DTNA: variants seen among roughly 807,000 people sequenced by gnomAD.
DTNA encodes dystrophin-related protein 3.
In DTNA, 43 loss-of-function variants were observed where a neutral mutation model predicts 100.7. The observed-to-expected ratio is 0.43, with a 90% CI of 0.33 to 0.55. The LOEUF is 0.55. DTNA is among the 20% of genes least tolerant of loss of function. The pLI is 0.04. For missense variants in DTNA, 798 were observed against 953.9 expected, an observed-to-expected ratio of 0.84 and a Z score of 2.15; for synonymous variants, 349 against 347.9, an observed-to-expected ratio of 1.00 and a Z score of -0.04.
chr18:34,620,493 A>G (rs2056273008), intron 1 of DTNA, among the ~76,000 whole-genome samples: 1 of 152,204 alleles, frequency 6.6e-6, no homozygotes, highest in South Asian at 2.1e-4. Flanking sequence ...GTTTATTCTC[A>G]CATTGCTATA....
chr18:34,674,083 C>T (rs1181089414), intron 1 of DTNA, among the ~76,000 whole-genome samples: 3 of 152,156 alleles, frequency 2.0e-5, no homozygotes, highest in Non-Finnish European at 4.4e-5. Flanking sequence ...AGATTAATTT[C>T]CCTGATTATT....
At chr18:34,741,202 A>T (rs371772275) in intron 1 of DTNA, among the ~76,000 whole-genome samples, 1 of 152,082 alleles carries the variant, frequency 6.6e-6, no homozygotes, top group African/African-American at 2.4e-5. Context: ...GCTTTGGGGG[A>T]TCATAAAGTT....
chr18:34,500,679 G>T (rs918274584), intron 1 of DTNA, among the ~76,000 whole-genome samples: 1 of 151,748 alleles, frequency 6.6e-6, no homozygotes, highest in Non-Finnish European at 1.5e-5. Flanking sequence ...GGCCAGGCTG[G>T]TCACGAACTC....
chr18:34,838,860 G>C, intron 13 of DTNA, 23 bp downstream of exon 13: 1 of 1,605,692 alleles, frequency 6.2e-7, no homozygotes, highest in Non-Finnish European at 8.5e-7. Flanking sequence ...TTGGCTGCTT[G>C]ACTGTCCTTA....
At chr18:34,518,027 G>A (rs922745627) in intron 1 of DTNA, among the ~76,000 whole-genome samples, 1 of 152,172 alleles carries the variant, frequency 6.6e-6, no homozygotes, top group African/African-American at 2.4e-5. Context: ...CAGAATGGAT[G>A]TGCCAGTTTA....
At chr18:34,565,688 G>A (rs2047022886) in intron 1 of DTNA, among the ~76,000 whole-genome samples, 1 of 152,086 alleles carries the variant, frequency 6.6e-6, no homozygotes, top group Admixed American at 6.6e-5. Flanking sequence ...CTTCTCTTCT[G>A]TCTCTCTTAT....
chr18:34,839,169 G>A (rs541909114), intron 13 of DTNA, among the ~76,000 whole-genome samples: 1 of 152,302 alleles, frequency 6.6e-6, no homozygotes, highest in East Asian at 1.9e-4. Context: ...ACAGGATGGT[G>A]ATAAAAGAAT....
chr18:34,569,452 T>G (rs1274826454), intron 1 of DTNA, among the ~76,000 whole-genome samples: 2 of 152,088 alleles, frequency 1.3e-5, no homozygotes, highest in Non-Finnish European at 2.9e-5. Flanking sequence ...AGTGATCATG[T>G]TGGATGACAT....
intron 1 of DTNA, among the ~76,000 whole-genome samples, chr18:34,517,460 CG>C (rs1479138656): frequency 2.0e-5 from 3 of 148,884 alleles, no homozygotes; most frequent in Admixed American, 1.3e-4. Flanking sequence ...TTTATATACA[CG>C]TGTGTGTGTG....
intron 1 of DTNA, among the ~76,000 whole-genome samples, chr18:34,699,717 A>G (rs16965780): frequency 0.061 from 9,272 of 152,208 alleles, 922 homozygotes; most frequent in African/African-American, 0.21. Flanking sequence ...TCAGCATTTT[A>G]CCAGCAAAGA....
intron 13 of DTNA, among the ~76,000 whole-genome samples, chr18:34,840,574 CAG>C (rs1489092024): frequency 2.6e-5 from 4 of 152,100 alleles, no homozygotes; most frequent in African/African-American, 9.7e-5. Context: ...GAGAAAAGCT[CAG>C]AGTTTGTCAC....
intron 1 of DTNA, among the ~76,000 whole-genome samples, chr18:34,520,183 T>C (rs2145190102): frequency 6.6e-6 from 1 of 152,334 alleles, no homozygotes; most frequent in East Asian, 1.9e-4. Context: ...TGTCCTGCTC[T>C]CTTAACAGCC....
chr18:34,503,428 C>A (rs2040153915), intron 1 of DTNA, among the ~76,000 whole-genome samples: 1 of 151,782 alleles, frequency 6.6e-6, no homozygotes, highest in African/African-American at 2.4e-5. Context: ...GCTGGGACTA[C>A]AGGTGCCCAC....
intron 15 of DTNA, among the ~76,000 whole-genome samples, chr18:34,856,342 T>A (rs2096552491): frequency 6.6e-6 from 1 of 152,182 alleles, no homozygotes; most frequent in Non-Finnish European, 1.5e-5. Flanking sequence ...AATAATCAGA[T>A]CTGTGAGTTT....
intron 1 of DTNA, among the ~76,000 whole-genome samples, chr18:34,698,567 A>G (rs1441521936): frequency 1.3e-5 from 2 of 152,200 alleles, no homozygotes; most frequent in Non-Finnish European, 2.9e-5. Flanking sequence ...CTCCAAAGAT[A>G]CACAACTAAT....
At chr18:34,625,193 A>AT (rs1303096945) in intron 1 of DTNA, among the ~76,000 whole-genome samples, 3 of 152,072 alleles carry the variant, frequency 2.0e-5, no homozygotes, top group South Asian at 2.1e-4. Context: ...CGTCCGGCTA[A>AT]TTTTTTTGTA....
chr18:34,559,881 A>G (rs371561168), intron 1 of DTNA, among the ~76,000 whole-genome samples: 37 of 152,364 alleles, frequency 2.4e-4, no homozygotes, highest in Admixed American at 5.2e-4. Flanking sequence ...AAATATGTAT[A>G]GGAAAACACA....
chr18:34,807,369 C>T (rs1156539920), intron 5 of DTNA, among the ~76,000 whole-genome samples: 2 of 152,080 alleles, frequency 1.3e-5, no homozygotes, highest in African/African-American at 4.8e-5. Context: ...AGTCCTCAGC[C>T]TCCTTCTGTA....
chr18:34,751,683 C>A (rs1004473019), intron 1 of DTNA, among the ~76,000 whole-genome samples: 2 of 152,182 alleles, frequency 1.3e-5, no homozygotes, highest in African/African-American at 4.8e-5. Flanking sequence ...CTTTTAAATT[C>A]TGTTTCAGAG....
Sources: allele counts gnomAD v4.1 joint callset (sites outside exome capture counted in the v4.1 genomes callset), GRCh38; gene constraint gnomAD v4.1.1; transcripts MANE v1.5; gene names NCBI Gene and HGNC (gene_info 2026-07-23, HGNC 2026-07-21).